The following HEATR3 variants were observed in gnomAD, a reference collection of about 807,000 sequenced individuals.
HEATR3 encodes the protein HEAT repeat containing 3.
Under a neutral mutation model 72.8 loss-of-function variants are expected in HEATR3, and 56 were observed. The observed-to-expected ratio is 0.77, with a 90% CI of 0.62 to 0.96. The LOEUF (loss-of-function observed/expected upper bound fraction) is 0.96, where lower values mean the gene tolerates loss of function less well. Among genes scored for constraint, HEATR3 ranks in the 40% least tolerant of loss-of-function variants. The probability of loss-of-function intolerance (pLI) is 0.00; values close to 1 mark genes in which losing one functional copy is unlikely to be tolerated. For synonymous variants in HEATR3, 331 were observed against 318.1 expected (o/e 1.04, Z -0.43); for missense variants, 747 against 831.4 (o/e 0.90, Z 1.25).
rs1395127113 is a variant in HEATR3 at position 50,106,371 on chromosome 16, C to T, written c.*1310C>T. The T allele has an allele frequency of 6.6e-6, 1 of 152,082 alleles. No homozygotes were observed. Among genetic ancestry groups the T allele is most frequent in the East Asian group, 1.9e-4 (1 of 5,198 alleles). 9.4% of individuals were successfully genotyped at this position (152,082 alleles called of 1,614,324 possible). A position where few individuals can be genotyped will look rare whatever the true frequency, so the allele number is the denominator to read the frequency against. On this transcript the variant is annotated 3_prime_UTR_variant, in exon 15 of 15. Coordinates refer to ENST00000299192, the MANE Select transcript of HEATR3 (RefSeq NM_182922.4). ...TTGGGAGAAGGTATTTTTAAATAAA[C>T]AACTTTTTAATGGAAAGTTTTGTGT...
At chr16:50,077,095 T>C (rs1210418146) in intron 6 of HEATR3, among the ~76,000 whole-genome samples, 2 of 152,034 alleles carry the variant, frequency 1.3e-5, no homozygotes, top group Admixed American at 6.6e-5. Context: ...AGGATGGTCT[T>C]GATCTCCTGA....
chr16:50,085,836 C>G (rs932770486), intron 10 of HEATR3, among the ~76,000 whole-genome samples: 2 of 152,058 alleles, frequency 1.3e-5, no homozygotes, highest in South Asian at 4.2e-4. Context: ...TCCAGAGCAG[C>G]CTGGGCAACA....
intron 4 of HEATR3, among the ~76,000 whole-genome samples, chr16:50,070,737 A>G (rs572189308): frequency 6.0e-4 from 91 of 152,210 alleles, no homozygotes; most frequent in African/African-American, 1.9e-3. Flanking sequence ...GGCAGGATCA[A>G]GTGACCTAAG....
At chr16:50,075,801 C>A in intron 6 of HEATR3, 90 bp downstream of exon 6, 1 of 1,058,454 alleles carries the variant, frequency 9.4e-7, no homozygotes, top group Non-Finnish European at 1.4e-6. Context: ...CATTTCAACA[C>A]ATTAGGTCTT....
intron 7 of HEATR3, among the ~76,000 whole-genome samples, chr16:50,082,284 A>C (rs1215927811): frequency 6.6e-6 from 1 of 152,148 alleles, no homozygotes; most frequent in East Asian, 1.9e-4. Flanking sequence ...CGGAGATTGC[A>C]GTGAGCCGAG....
rs569697724 is a variant in HEATR3 at position 50,095,750 on chromosome 16, G to A, written c.1599+957G>A. 5.3e-5 allele frequency among the ~76,000 whole-genome samples: 8 copies of A among 152,066 alleles called. No homozygotes were observed. The South Asian group carries it at 8.3e-4, about 16-fold the overall frequency. ...CGCCAAGCCTCAGCAGGTTATTAGC[G>A]TCCTGTCATTCTTGTGACATGGTTT... On this transcript the variant is annotated intron_variant, in intron 12 of 14. Transcript: ENST00000299192.
At chr16:50,079,064 T>C in intron 7 of HEATR3, 46 bp downstream of exon 7, 1 of 1,535,436 alleles carries the variant, frequency 6.5e-7, no homozygotes, top group Non-Finnish European at 8.8e-7. Flanking sequence ...ACAGCTGTTT[T>C]TTTTTTCCAG....
rs1050099349 is a variant in HEATR3, at chr16:50,066,356, C to T, written c.139-11C>T. On this transcript the variant is annotated splice_polypyrimidine_tract_variant and intron_variant, in intron 1 of 14. Coordinates refer to ENST00000299192, the MANE Select transcript of HEATR3 (RefSeq NM_182922.4). ...TGCGCGCCTTCTGACCCTTTTCGCTCTCATCCGCAGCTCCAGCACCCGAGC... is the reference window on the plus strand; with the variant it reads ...TGCGCGCCTTCTGACCCTTTTCGCTTTCATCCGCAGCTCCAGCACCCGAGC... 1.3e-6 allele frequency: 2 copies of T among 1,555,228 alleles called. No homozygotes were observed. The highest frequency in any genetic ancestry group is 8.6e-7 in the Non-Finnish European group (1 of 1,161,292).
At chr16:50,093,487 T>C (rs1362651230) in intron 11 of HEATR3, among the ~76,000 whole-genome samples, 3 of 152,158 alleles carry the variant, frequency 2.0e-5, no homozygotes, top group Non-Finnish European at 2.9e-5. Context: ...TATTTTTGGT[T>C]TTACAACTTG....
chr16:50,097,743 C>T (rs1325236833), intron 12 of HEATR3, among the ~76,000 whole-genome samples: 3 of 152,032 alleles, frequency 2.0e-5, no homozygotes, highest in South Asian at 4.2e-4. Flanking sequence ...GGCGAAACTC[C>T]GTCTCTACTG....
chr16:50,073,361 T>C (rs1418613759), intron 5 of HEATR3: 2 of 152,222 alleles, frequency 1.3e-5, no homozygotes. Flanking sequence ...GAGAAACAAT[T>C]GAGGGAGAGC....
chr16:50,083,577 T>C (rs953914005), intron 7 of HEATR3, among the ~76,000 whole-genome samples: 3 of 152,184 alleles, frequency 2.0e-5, no homozygotes, highest in African/African-American at 7.2e-5. Context: ...AAATGAACTC[T>C]TGTTTAAATC....
chr16:50,097,871 C>T (rs2037278192), intron 12 of HEATR3, among the ~76,000 whole-genome samples: 1 of 149,524 alleles, frequency 6.7e-6, no homozygotes, highest in Non-Finnish European at 1.5e-5. Context: ...GCCAAGATTG[C>T]ACTGCACTCC....
chr16:50,084,622 G>T lies in HEATR3; in HGVS notation c.1344G>T (p.Arg448Ser), dbSNP rs779764936. 1 of 1,611,648 alleles carries T rather than the reference G, an allele frequency of 6.2e-7. No homozygotes were observed. The highest frequency in any genetic ancestry group is 8.5e-7 in the Non-Finnish European group (1 of 1,178,846). ...PNSIAVDLCS[R>S]NPTWKPLIRK... The stretch of plus-strand genomic sequence containing the variant: ...GCATTGCAGTTGACCTATGTTCTAG[G>T]AACCCTACTTGGAAACCTTTGATTA... The change falls in exon 10 of 15, where the codon AGG becomes AGT. Residue 448 changes from arginine (R) to serine (S), a missense_variant. Arg to Ser is a moderately radical substitution (Grantham distance 110). This residue lies in a region of HEATR3 where 586 missense variants were observed against 708.8 expected (regional missense o/e 0.83). Transcript: ENST00000299192.
chr16:50,077,507 T>C (rs2036762851), intron 6 of HEATR3, among the ~76,000 whole-genome samples: 1 of 152,216 alleles, frequency 6.6e-6, no homozygotes, highest in African/African-American at 2.4e-5. Context: ...TTCAGATTGT[T>C]GTGCAGTAAA....
intron 12 of HEATR3, among the ~76,000 whole-genome samples, chr16:50,099,468 G>T (rs549713502): frequency 6.6e-6 from 1 of 152,210 alleles, no homozygotes; most frequent in Non-Finnish European, 1.5e-5. Context: ...TTAGTCTAGT[G>T]TAGGGGCTCA....
At chr16:50,069,013 C>A in intron 3 of HEATR3, 146 bp downstream of exon 3, 5 of 614,046 alleles carry the variant, frequency 8.1e-6, no homozygotes, top group Non-Finnish European at 1.5e-5. Flanking sequence ...AATCTGCTCT[C>A]ATTATTGATA....
chr16:50,084,566 T>C lies in HEATR3; in HGVS notation c.1291-3T>C. ...TTTGCTTTACTGCCTCTTTTAAATC[T>C]AGATTTTTGAGAAAACTGCCTTTCC... On this transcript the variant is annotated splice_polypyrimidine_tract_variant and splice_region_variant and intron_variant, in intron 9 of 14. Coordinates refer to ENST00000299192, the MANE Select transcript of HEATR3 (RefSeq NM_182922.4). 3.1e-6 allele frequency: 5 copies of C among 1,606,982 alleles called. No homozygotes were observed. Among genetic ancestry groups the C allele is most frequent in the Non-Finnish European group, 3.4e-6 (4 of 1,174,848 alleles).
At chr16:50,092,117 G>A (rs1358078944) in intron 11 of HEATR3, among the ~76,000 whole-genome samples, 1 of 151,972 alleles carries the variant, frequency 6.6e-6, no homozygotes, top group Non-Finnish European at 1.5e-5. Flanking sequence ...CGGGTGGATT[G>A]CTTGAGCTCA....
Sources: gnomAD v4.1 joint callset for allele counts (sites outside exome capture counted in the v4.1 genomes callset) on GRCh38, gnomAD v4.1.1 for gene constraint, gnomAD v4.1.1 regional missense constraint, MANE v1.5 for transcripts, NCBI Gene and HGNC (gene_info 2026-07-23, HGNC 2026-07-21) for gene names.